The following LIPF variants were observed in gnomAD, a reference collection of about 807,000 sequenced individuals.
LIPF encodes lipase F, gastric type.
LIPF carries 25 observed loss-of-function variants against 38.0 expected under a neutral mutation model. The observed-to-expected ratio is 0.66, with a 90% CI of 0.48 to 0.92. The LOEUF (loss-of-function observed/expected upper bound fraction) is 0.92, where lower values mean the gene tolerates loss of function less well. LIPF is among the 40% of genes least tolerant of loss of function. The probability of loss-of-function intolerance (pLI) is 0.00; values close to 1 mark genes in which losing one functional copy is unlikely to be tolerated. For missense variants in LIPF, 410 were observed against 469.9 expected, an observed-to-expected ratio of 0.87 and a Z score of 1.18; for synonymous variants, 161 against 156.2, an observed-to-expected ratio of 1.03 and a Z score of -0.23.
In LIPF at chr10:88,675,483, T is replaced by G. The variant is rs17287142; in HGVS notation, c.817-103T>G. 3.0e-3 allele frequency: 2,680 copies of G among 881,368 alleles called. 20 individuals carry two copies. The highest frequency in any genetic ancestry group is 0.02 in the African/African-American group (1,174 of 59,190). The allele number at this position is 881,368 out of a possible 1,614,324, so 54.6% of individuals were successfully genotyped here. Reference sequence around the variant, plus strand: ...CATATCCTTCCAGTAAATGCTACCTTTAAACACTTGACCTGAATCAGAAAA... The same window carrying G: ...CATATCCTTCCAGTAAATGCTACCTGTAAACACTTGACCTGAATCAGAAAA... On this transcript the variant is annotated intron_variant, in intron 7 of 9. Coordinates refer to ENST00000238983, the MANE Select transcript of LIPF (RefSeq NM_004190.4).
At chr10:88,675,896 A>G (rs1252089036) in intron 8 of LIPF, among the ~76,000 whole-genome samples, 1 of 152,050 alleles carries the variant, frequency 6.6e-6, no homozygotes, top group Non-Finnish European at 1.5e-5. Context: ...GGTTTGTTAC[A>G]TATGTATACA....
chr10:88,669,574 C>A, intron 4 of LIPF: 1 of 283,330 alleles, frequency 3.5e-6, no homozygotes, highest in Non-Finnish European at 6.7e-6. Context: ...CATTTCATTT[C>A]AGGGATAGAA....
At chr10:88,671,554 T>C (rs1005837583) in intron 5 of LIPF, among the ~76,000 whole-genome samples, 1 of 152,162 alleles carries the variant, frequency 6.6e-6, no homozygotes, top group Non-Finnish European at 1.5e-5. Flanking sequence ...TGTAACCATA[T>C]GAGTATCCTA....
intron 5 of LIPF, among the ~76,000 whole-genome samples, chr10:88,671,519 TAAAG>T (rs1477007336): frequency 6.6e-6 from 1 of 152,168 alleles, no homozygotes; most frequent in African/African-American, 2.4e-5. Flanking sequence ...TATAAATTCA[TAAAG>T]AAATTCATAA....
chr10:88,671,023 A>T (rs17333839), intron 5 of LIPF, among the ~76,000 whole-genome samples: 43 of 152,264 alleles, frequency 2.8e-4, no homozygotes, highest in African/African-American at 1.0e-3. Context: ...CTTGAGTATC[A>T]TCGATATGTC....
intron 5 of LIPF, among the ~76,000 whole-genome samples, chr10:88,670,799 C>T (rs535723408): frequency 3.4e-4 from 52 of 152,196 alleles, no homozygotes; most frequent in Admixed American, 8.5e-4. Flanking sequence ...AATTTTGAAT[C>T]GAAGAGTTAC....
At position 88,669,829 on chromosome 10, in the gene LIPF, C is replaced by T. The variant is rs1317424955; in HGVS notation, c.423-8C>T. 6.3e-7 allele frequency: 1 copy of T among 1,583,002 alleles called. No homozygotes were observed. Among genetic ancestry groups the T allele is most frequent in the Non-Finnish European group, 8.6e-7 (1 of 1,156,228 alleles). ...GTATTCACTTTCATTTTGTCTTTTT[C>T]CTTTCAGCTTTGATGAAATGGCTAA... On this transcript the variant is annotated splice_polypyrimidine_tract_variant and splice_region_variant and intron_variant, in intron 4 of 9. Coordinates refer to ENST00000238983, the MANE Select transcript of LIPF (RefSeq NM_004190.4).
chr10:88,665,959 G>A (rs933176894), intron 1 of LIPF, among the ~76,000 whole-genome samples: 1 of 151,910 alleles, frequency 6.6e-6, no homozygotes, highest in Non-Finnish European at 1.5e-5. Context: ...GGATGGCCTC[G>A]ATCTCCTGAC....
intron 1 of LIPF, chr10:88,665,693 C>T: frequency 1.7e-6 from 1 of 573,808 alleles, no homozygotes; most frequent in Non-Finnish European, 3.1e-6. Context: ...TAGTTTATCT[C>T]TTCCTAAAAT....
rs1296328159 is a variant in LIPF, at chr10:88,673,637, T to G, written c.719T>G (p.Phe240Cys). 1 of 1,611,592 alleles carries G rather than the reference T, an allele frequency of 6.2e-7. No homozygotes were observed. The highest frequency in any genetic ancestry group is 1.1e-5 in the South Asian group (1 of 90,862). ...TACCCACACAACTTCTTTGATCAAT[T>G]TCTTGCTACTGAAGTGTGCTCCCGT... ...IFYPHNFFDQFLATEVCSREM... is the reference protein window; with the variant it reads ...IFYPHNFFDQCLATEVCSREM... Residue 240 changes from phenylalanine to cysteine, a missense_variant, in exon 7 of 10, where the codon TTT (phenylalanine) becomes TGT (cysteine). Physicochemically the swap from Phe to Cys is radical, Grantham distance 205. Coordinates refer to ENST00000238983, the MANE Select transcript of LIPF (RefSeq NM_004190.4).
At chr10:88,667,475 T>C in intron 2 of LIPF, 73 bp downstream of exon 2, 1 of 1,059,028 alleles carries the variant, frequency 9.4e-7, no homozygotes, top group East Asian at 2.5e-5. Context: ...AGTTAAAGAT[T>C]TTATATGACC....
intron 9 of LIPF, among the ~76,000 whole-genome samples, chr10:88,677,419 G>T (rs1162750835): frequency 6.6e-6 from 1 of 152,108 alleles, no homozygotes; most frequent in African/African-American, 2.4e-5. Context: ...ATACCAGGTT[G>T]GTCTTTAACT....
intron 5 of LIPF, among the ~76,000 whole-genome samples, chr10:88,671,388 T>C (rs973642554): frequency 6.6e-6 from 1 of 152,170 alleles, no homozygotes; most frequent in Non-Finnish European, 1.5e-5. Flanking sequence ...GAGCCAGGAT[T>C]CAAATTGAGT....
intron 6 of LIPF, 147 bp from the exon 7 acceptor site, chr10:88,673,441 G>T: frequency 1.5e-6 from 1 of 676,466 alleles, no homozygotes; most frequent in Non-Finnish European, 2.5e-6. Context: ...TTAACTAAAT[G>T]AAAGTATTGG....
chr10:88,675,446 A>G (rs1370856518), intron 7 of LIPF, 140 bp from the exon 8 acceptor site: 6 of 643,158 alleles, frequency 9.3e-6, no homozygotes, highest in Non-Finnish European at 1.3e-5. Context: ...AGTGACATAC[A>G]AATGTGTTGT....
intron 1 of LIPF, among the ~76,000 whole-genome samples, chr10:88,665,958 C>T (rs1219536893): frequency 6.6e-6 from 1 of 151,966 alleles, no homozygotes; most frequent in East Asian, 1.9e-4. Flanking sequence ...AGGATGGCCT[C>T]GATCTCCTGA....
intron 9 of LIPF, 102 bp from the exon 10 acceptor site, chr10:88,678,343 T>G (rs1841718665): frequency 1.2e-6 from 1 of 858,594 alleles, no homozygotes; most frequent in Non-Finnish European, 2.0e-6. Context: ...TAGAATTCAC[T>G]TATAAAACCG....
intron 7 of LIPF, 74 bp downstream of exon 7, chr10:88,673,808 T>C: frequency 2.4e-6 from 3 of 1,233,616 alleles, no homozygotes; most frequent in Non-Finnish European, 3.5e-6. Context: ...TTAGAAGTGG[T>C]ACTTTATGAG....
At chr10:88,664,946 T>C (rs545384923) in intron 1 of LIPF, among the ~76,000 whole-genome samples, 1 of 152,360 alleles carries the variant, frequency 6.6e-6, no homozygotes, top group African/African-American at 2.4e-5. Flanking sequence ...TTGTGAAACC[T>C]TATAGGCTAT....
Sources: gnomAD v4.1 joint callset for allele counts (sites outside exome capture counted in the v4.1 genomes callset) on GRCh38, gnomAD v4.1.1 for gene constraint, MANE v1.5 for transcripts, NCBI Gene and HGNC (gene_info 2026-07-23, HGNC 2026-07-21) for gene names.